Variants in PPP3CC observed in about 807,000 individuals in gnomAD.
PPP3CC encodes the protein protein phosphatase 3 catalytic subunit gamma.
In PPP3CC, 35 loss-of-function variants were observed where a neutral mutation model predicts 60.3. The ratio of observed to expected loss-of-function variants is 0.58; its 90% CI spans 0.44 to 0.77. The LOEUF is 0.77. Among genes scored for constraint, PPP3CC ranks in the 30% least tolerant of loss-of-function variants. The pLI, the probability that PPP3CC is intolerant of heterozygous loss-of-function variation, is 0.00. For synonymous variants in PPP3CC, 206 were observed against 224.3 expected (o/e 0.92, Z 0.73); for missense variants, 570 against 628.9 (o/e 0.91, Z 1.00).
At chr8:22,506,710 G>A (rs1426929522) in intron 4 of PPP3CC, among the ~76,000 whole-genome samples, 1 of 151,968 alleles carries the variant, frequency 6.6e-6, no homozygotes, top group African/African-American at 2.4e-5. Context: ...GGGAGGCCGA[G>A]GCGGGCAGAT....
intron 6 of PPP3CC, among the ~76,000 whole-genome samples, chr8:22,515,280 A>C (rs890714623): frequency 4.6e-5 from 7 of 152,180 alleles, no homozygotes; most frequent in African/African-American, 1.7e-4. Context: ...AGTTCCATTC[A>C]TGTTGTTGCA....
At chr8:22,519,534 G>A (rs1399732585) in intron 6 of PPP3CC, among the ~76,000 whole-genome samples, 4 of 152,008 alleles carry the variant, frequency 2.6e-5, no homozygotes, top group African/African-American at 7.3e-5. Context: ...TGTTCATCGG[G>A]TTTGCATCAA....
Position 22,535,620 on chromosome 8 carries a change from C to T in PPP3CC, c.1321+2602C>T, listed in dbSNP as rs886090632. Among the ~76,000 whole-genome samples, 19 of 152,282 alleles carry T rather than the reference C, an allele frequency of 1.2e-4. No homozygotes were observed. In the Middle Eastern group the frequency reaches 0.01, roughly 82 times the overall value. The stretch of plus-strand genomic sequence containing the variant: ...CAGCAATCCCCCTGCCTCAGCTACT[C>T]GAGTGGCTGGGACTACAGGCATGTG... On this transcript the variant is annotated intron_variant, in intron 12 of 13. Coordinates refer to ENST00000240139, the MANE Select transcript of PPP3CC (RefSeq NM_005605.5).
chr8:22,489,928 TCTC>T (rs1410878796), intron 3 of PPP3CC, among the ~76,000 whole-genome samples: 2 of 151,016 alleles, frequency 1.3e-5, no homozygotes, highest in African/African-American at 2.4e-5. Context: ...TTCAAGCAAT[TCTC>T]CTGCCTCAGC....
intron 3 of PPP3CC, among the ~76,000 whole-genome samples, chr8:22,490,547 C>A (rs1838370154): frequency 6.6e-6 from 1 of 151,780 alleles, no homozygotes; most frequent in African/African-American, 2.4e-5. Flanking sequence ...TGGTGTGCTG[C>A]ACCCATTAAC....
intron 3 of PPP3CC, chr8:22,492,954 T>G: frequency 8.0e-7 from 1 of 1,256,726 alleles, no homozygotes; most frequent in Non-Finnish European, 1.2e-6. Flanking sequence ...TCTGACTAGT[T>G]TAAGGAGACT....
chr8:22,514,325 T>C (rs184521246), intron 6 of PPP3CC, among the ~76,000 whole-genome samples: 84 of 152,050 alleles, frequency 5.5e-4, no homozygotes, highest in Non-Finnish European at 1.0e-3. Context: ...CAGTATTTTA[T>C]TGTGGCAAAT....
intron 12 of PPP3CC, among the ~76,000 whole-genome samples, chr8:22,538,145 C>T (rs138253434): frequency 1.4e-3 from 208 of 152,284 alleles, no homozygotes; most frequent in African/African-American, 4.6e-3. Context: ...TTACTGCAGG[C>T]TGCTATCTTT....
Position 22,497,797 on chromosome 8 carries a change from A to T in PPP3CC, c.373-204A>T, listed in dbSNP as rs567635005. Among the ~76,000 whole-genome samples the T allele has an allele frequency of 2.6e-5, 4 of 152,332 alleles. No homozygotes were observed. In the East Asian group the frequency reaches 7.7e-4, roughly 29 times the overall value. On this transcript the variant is annotated intron_variant, in intron 3 of 13. Transcript: ENST00000240139. ...AGAGTTCTAGATATTTAGATAGAACATGGGAACAGAGATTAGAGAGAGATT... is the reference window on the plus strand; with the variant it reads ...AGAGTTCTAGATATTTAGATAGAACTTGGGAACAGAGATTAGAGAGAGATT...
intron 3 of PPP3CC, among the ~76,000 whole-genome samples, chr8:22,495,068 C>G (rs1407954313): frequency 6.6e-6 from 1 of 152,194 alleles, no homozygotes; most frequent in African/African-American, 2.4e-5. Context: ...CTGCCTCAGC[C>G]TCCTGAATAG....
chr8:22,524,642 TCTC>T (rs1375802178), intron 8 of PPP3CC, among the ~76,000 whole-genome samples: 1 of 152,200 alleles, frequency 6.6e-6, no homozygotes, highest in Non-Finnish European at 1.5e-5. Context: ...TGGCCCTAGA[TCTC>T]CTATTTGTAA....
At chr8:22,483,508 G>A (rs954761824) in intron 3 of PPP3CC, among the ~76,000 whole-genome samples, 6 of 152,250 alleles carry the variant, frequency 3.9e-5, no homozygotes, top group African/African-American at 1.4e-4. Context: ...GGATGGTCAC[G>A]ATCTCCTGAC....
chr8:22,443,343 G>T (rs1006904641), intron 1 of PPP3CC, among the ~76,000 whole-genome samples: 2 of 151,944 alleles, frequency 1.3e-5, no homozygotes, highest in Non-Finnish European at 2.9e-5. Flanking sequence ...CCAACATGGC[G>T]AAACTCCATC....
At chr8:22,488,226 C>G (rs115450385) in intron 3 of PPP3CC, among the ~76,000 whole-genome samples, 520 of 152,172 alleles carry the variant, frequency 3.4e-3, no homozygotes, top group African/African-American at 0.012. Context: ...TATAATTTTT[C>G]CTTGGAATAT....
intron 13 of PPP3CC, among the ~76,000 whole-genome samples, chr8:22,540,321 C>A (rs981098804): frequency 6.6e-6 from 1 of 152,134 alleles, no homozygotes; most frequent in African/African-American, 2.4e-5. Context: ...TACTGGGGCC[C>A]AGTAAGTACT....
intron 12 of PPP3CC, among the ~76,000 whole-genome samples, chr8:22,534,245 C>G (rs1243103781): frequency 1.3e-5 from 2 of 150,740 alleles, no homozygotes; most frequent in Non-Finnish European, 3.0e-5. Flanking sequence ...ATTACATACC[C>G]ACTAGAATGG....
chr8:22,488,665 T>C (rs755505515), intron 3 of PPP3CC, among the ~76,000 whole-genome samples: 3 of 152,224 alleles, frequency 2.0e-5, no homozygotes, highest in Non-Finnish European at 4.4e-5. Context: ...CATGTATTTG[T>C]TTACCATCCA....
At chr8:22,519,529 A>G (rs373857480) in intron 6 of PPP3CC, among the ~76,000 whole-genome samples, 63 of 151,830 alleles carry the variant, frequency 4.1e-4, no homozygotes, top group African/African-American at 1.5e-3. Flanking sequence ...TTTTTTGTTC[A>G]TCGGGTTTGC....
At chr8:22,451,929 C>G (rs1291373647) in intron 1 of PPP3CC, among the ~76,000 whole-genome samples, 3 of 151,954 alleles carry the variant, frequency 2.0e-5, no homozygotes, top group East Asian at 1.9e-4. Flanking sequence ...TGAAATGCTT[C>G]TGGTCCTAAG....
Sources: allele counts gnomAD v4.1 joint callset (sites outside exome capture counted in the v4.1 genomes callset), GRCh38; gene constraint gnomAD v4.1.1; transcripts MANE v1.5; gene names NCBI Gene and HGNC (gene_info 2026-07-23, HGNC 2026-07-21).